Variants in FNDC3B observed in about 807,000 individuals in gnomAD.
FNDC3B encodes the protein fibronectin type III domain-containing protein 3B.
Under a neutral mutation model 151.5 loss-of-function variants are expected in FNDC3B, and 12 were observed. That is an observed-to-expected ratio of 0.08 (90% CI 0.05 to 0.13). The LOEUF (loss-of-function observed/expected upper bound fraction) is 0.13. Among genes scored for constraint, FNDC3B ranks in the 10% least tolerant of loss-of-function variants. The pLI is 1.00. For synonymous variants in FNDC3B, 528 were observed against 549.0 expected, an observed-to-expected ratio of 0.96 and a Z score of 0.54; for missense variants, 1,214 against 1,505.3, an observed-to-expected ratio of 0.81 and a Z score of 3.20.
intron 6 of FNDC3B, among the ~76,000 whole-genome samples, chr3:172,268,382 A>C (rs1276172129): frequency 6.6e-6 from 1 of 152,232 alleles, no homozygotes; most frequent in Non-Finnish European, 1.5e-5. Flanking sequence ...AGAATAATGA[A>C]GTTGAACTAC....
chr3:172,349,267 G>T (rs1266296282), intron 21 of FNDC3B, among the ~76,000 whole-genome samples: 1 of 152,190 alleles, frequency 6.6e-6, no homozygotes, highest in African/African-American at 2.4e-5. Context: ...GCGACAGAGT[G>T]AGAGCCTGTC....
intron 21 of FNDC3B, among the ~76,000 whole-genome samples, chr3:172,347,776 T>G (rs548890963): frequency 6.6e-6 from 1 of 152,324 alleles, no homozygotes; most frequent in East Asian, 1.9e-4. Flanking sequence ...AGCTGTTAAA[T>G]GGAGCCAAAA....
intron 3 of FNDC3B, among the ~76,000 whole-genome samples, chr3:172,146,638 T>A (rs1049830663): frequency 6.6e-6 from 1 of 152,228 alleles, no homozygotes; most frequent in African/African-American, 2.4e-5. Context: ...TACATTTCAG[T>A]GTACAGGCTG....
chr3:172,131,707 G>A (rs556589334), intron 2 of FNDC3B, among the ~76,000 whole-genome samples: 4 of 152,284 alleles, frequency 2.6e-5, no homozygotes, highest in African/African-American at 9.6e-5. Flanking sequence ...TGAATTATTA[G>A]AAGAGGCAAA....
At chr3:172,176,090 CAGGT>C (rs1436806329) in intron 3 of FNDC3B, among the ~76,000 whole-genome samples, 1 of 152,166 alleles carries the variant, frequency 6.6e-6, no homozygotes, top group Non-Finnish European at 1.5e-5. Context: ...AGTTCCAAGC[CAGGT>C]AATGGGTTGA....
chr3:172,277,784 G>A (rs1427955627), intron 6 of FNDC3B, among the ~76,000 whole-genome samples: 1 of 152,090 alleles, frequency 6.6e-6, no homozygotes, highest in Non-Finnish European at 1.5e-5. Context: ...CTCAGATAGG[G>A]TGAGGTTTTT....
chr3:172,188,902 A>G (rs1318754726), intron 3 of FNDC3B, among the ~76,000 whole-genome samples: 1 of 152,206 alleles, frequency 6.6e-6, no homozygotes, highest in Admixed American at 6.5e-5. Context: ...TTTAGACTGC[A>G]TGTACTATTT....
chr3:172,289,198 A>T lies in FNDC3B; in HGVS notation c.849+3214A>T, dbSNP rs75986537. Among the ~76,000 whole-genome samples the T allele has an allele frequency of 9.2e-3, 1,402 of 152,224 alleles. 16 individuals carry two copies. Among genetic ancestry groups the T allele is most frequent in the African/African-American group, 0.032 (1,316 of 41,524 alleles). ...GTTTTCTTGCCTTTTCCAGTTTCTA[A>T]AGGCAGCCTGCATCCCTTGGCTTTG... On this transcript the variant is annotated intron_variant, in intron 7 of 25. Transcript: ENST00000415807.
At chr3:172,193,123 T>TCCCC (rs1560011184) in intron 3 of FNDC3B, among the ~76,000 whole-genome samples, 1 of 38,230 alleles carries the variant, frequency 2.6e-5, no homozygotes, top group Non-Finnish European at 5.4e-5. Context: ...CCTCCCTCCC[T>TCCCC]CCCTCCCTTC....
chr3:172,326,211 C>A (rs990243852), intron 11 of FNDC3B, among the ~76,000 whole-genome samples: 3 of 152,184 alleles, frequency 2.0e-5, no homozygotes, highest in Non-Finnish European at 4.4e-5. Flanking sequence ...AATATTTTAA[C>A]CTACTTTCCC....
chr3:172,312,598 A>G (rs1426753019), intron 11 of FNDC3B, among the ~76,000 whole-genome samples: 1 of 147,748 alleles, frequency 6.8e-6, no homozygotes, highest in African/African-American at 2.5e-5. Flanking sequence ...CAGAAAAGGC[A>G]TTTTTTTTTT....
chr3:172,186,947 C>A (rs2108662286), intron 3 of FNDC3B: 1 of 530,524 alleles, frequency 1.9e-6, no homozygotes, highest in Non-Finnish European at 3.3e-6. Flanking sequence ...ATTTTCTATA[C>A]TAGCTAAAAG....
At chr3:172,356,592 T>C (rs929357102) in intron 22 of FNDC3B, among the ~76,000 whole-genome samples, 6 of 152,102 alleles carry the variant, frequency 3.9e-5, no homozygotes, top group Admixed American at 2.6e-4. Flanking sequence ...GCTGGAATGG[T>C]GGCATTGGTG....
chr3:172,320,592 C>T (rs1732033996), intron 11 of FNDC3B, among the ~76,000 whole-genome samples: 1 of 152,160 alleles, frequency 6.6e-6, no homozygotes, highest in Admixed American at 6.5e-5. Context: ...AATTTAAAAG[C>T]AGTTGAAAAT....
In FNDC3B at chr3:172,380,898, T is replaced by G. The variant is rs1041441786; in HGVS notation, c.3176-68T>G. On this transcript the variant is annotated intron_variant, in intron 24 of 25. Transcript: ENST00000415807. ...GCTCTCTCTGGGTTCTCACTAATAG[T>G]GCTAAAGTGTTGACTATTAACATGA... The G allele has an allele frequency of 2.2e-5, 34 of 1,561,074 alleles. 1 individual carries two copies. Among genetic ancestry groups the G allele is most frequent in the Non-Finnish European group, 1.8e-5 (21 of 1,138,612 alleles).
chr3:172,228,603 T>C (rs57297727), intron 4 of FNDC3B, among the ~76,000 whole-genome samples: 2,436 of 152,204 alleles, frequency 0.016, 88 homozygotes, highest in African/African-American at 0.056. Context: ...AAAATCCAAA[T>C]AGAGTAAAAG....
chr3:172,071,709 C>T (rs572500027), intron 1 of FNDC3B, among the ~76,000 whole-genome samples: 2 of 152,126 alleles, frequency 1.3e-5, no homozygotes, highest in Admixed American at 1.3e-4. Flanking sequence ...CACACACATT[C>T]AAAGGAACAA....
At chr3:172,307,551 G>T (rs748025315) in intron 10 of FNDC3B, 50 bp downstream of exon 10, 4 of 1,599,216 alleles carry the variant, frequency 2.5e-6, no homozygotes, top group Middle Eastern at 1.7e-4. Context: ...AATTAGCCAG[G>T]TGTGGTGGCA....
At chr3:172,184,447 C>T (rs1724072098) in intron 3 of FNDC3B, 1 of 152,150 alleles carries the variant, frequency 6.6e-6, no homozygotes, top group Non-Finnish European at 1.5e-5. Flanking sequence ...CTATTCTAGT[C>T]ATTGGTTCTA....
Sources: allele counts gnomAD v4.1 joint callset (sites outside exome capture counted in the v4.1 genomes callset), GRCh38; gene constraint gnomAD v4.1.1; transcripts MANE v1.5; gene names NCBI Gene and HGNC (gene_info 2026-07-23, HGNC 2026-07-21).